Variants in SMTN observed in about 807,000 individuals in gnomAD.
SMTN encodes smoothelin.
In SMTN, 58 loss-of-function variants were observed where a neutral mutation model predicts 102.0. That is an observed-to-expected ratio of 0.57 (90% CI 0.46 to 0.71). The LOEUF (loss-of-function observed/expected upper bound fraction) is 0.71. SMTN is among the 30% of genes least tolerant of loss of function. SMTN has a pLI of 0.00. For missense variants in SMTN, 1,185 were observed against 1,241.7 expected (o/e 0.95, Z 0.69); for synonymous variants, 478 against 497.9 (o/e 0.96, Z 0.53).
chr22:31,065,745 T>G lies in SMTN; in HGVS notation c.-386+1558T>G, dbSNP rs1464147888. 2.0e-5 allele frequency: 3 copies of G among 151,448 alleles called. No homozygotes were observed. The East Asian group carries it at 5.8e-4, about 29-fold the overall frequency. 9.4% of individuals were successfully genotyped at this position (151,448 alleles called of 1,614,324 possible). ...CCATTATGTGCCAGTCCCTGTGGGGTGTGCCAAGCAGAAAAAGCACTGATC... is the reference window on the plus strand; with the variant it reads ...CCATTATGTGCCAGTCCCTGTGGGGGGTGCCAAGCAGAAAAAGCACTGATC... On this transcript the variant is annotated intron_variant, in intron 1 of 3. Transcript: ENST00000422839.
At chr22:31,080,938 G>T (rs115382628), upstream of SMTN, among the ~76,000 whole-genome samples, 1,089 of 152,266 alleles carry the variant, frequency 7.2e-3, 14 homozygotes, top group African/African-American at 0.025. Flanking sequence ...GCGAGAAAGG[G>T]GTGGAGTCGA....
chr22:31,070,581 T>G (rs924121595), intron 1 of SMTN, among the ~76,000 whole-genome samples: 1 of 152,198 alleles, frequency 6.6e-6, no homozygotes, highest in Non-Finnish European at 1.5e-5. Flanking sequence ...TCCTGAGAGA[T>G]AACTCCTCTG....
At chr22:31,080,358 T>C (rs2042244701), upstream of SMTN, 1 of 152,240 alleles carries the variant, frequency 6.6e-6, no homozygotes. Context: ...AATGGGGCAA[T>C]AGTCATGGTC....
At chr22:31,086,014 T>C (rs781150822) in intron 2 of SMTN, among the ~76,000 whole-genome samples, 4 of 152,174 alleles carry the variant, frequency 2.6e-5, no homozygotes, top group Non-Finnish European at 5.9e-5. Context: ...CTGGGCCTCT[T>C]TACCCTCTGT....
At position 31,088,679 on chromosome 22, in the gene SMTN, G is replaced by C. The variant is rs761729610; in HGVS notation, c.295-20G>C. The C allele has an allele frequency of 6.2e-7, 1 of 1,613,822 alleles. No homozygotes were observed. Among genetic ancestry groups the C allele is most frequent in the Non-Finnish European group, 8.5e-7 (1 of 1,179,814 alleles). On this transcript the variant is annotated intron_variant, in intron 4 of 20. Coordinates refer to ENST00000333137, the MANE Select transcript of SMTN (RefSeq NM_134269.3). The stretch of plus-strand genomic sequence containing the variant: ...CTGGACTCCACAGCCCAACACCCGC[G>C]ACCTGTCTCTTACCCACAGTTGCGA...
chr22:31,097,420 T>A, intron 16 of SMTN, 82 bp downstream of exon 16: 1 of 1,290,682 alleles, frequency 7.7e-7, no homozygotes. Flanking sequence ...TACAGAGGGG[T>A]GGGCTGGGCA....
At chr22:31,085,217 G>C in intron 2 of SMTN, 1 of 1,534,892 alleles carries the variant, frequency 6.5e-7, no homozygotes, top group Non-Finnish European at 8.7e-7. Flanking sequence ...CTTCCCTTTA[G>C]ATCCGGACAC....
At chr22:31,094,762 G>A (rs2043439067) in intron 11 of SMTN, among the ~76,000 whole-genome samples, 1 of 151,112 alleles carries the variant, frequency 6.6e-6, no homozygotes, top group South Asian at 2.1e-4. Context: ...GCTCTCTGCA[G>A]CCTCTAACTC....
intron 11 of SMTN, chr22:31,093,416 C>G (rs1270677287): frequency 2.2e-6 from 1 of 460,028 alleles, no homozygotes; most frequent in African/African-American, 2.0e-5. Flanking sequence ...CACTGCCCCA[C>G]CATTACCCCC....
At position 31,093,768 on chromosome 22, in the gene SMTN, C is replaced by T. The variant is rs777290206; in HGVS notation, c.1633-1535C>T. On this transcript the variant is annotated intron_variant, in intron 11 of 20. Coordinates refer to ENST00000333137, the MANE Select transcript of SMTN (RefSeq NM_134269.3). ...AGCTGCTCCTGGCTGCCGCCGACCC[C>T]GAGGCCCTCTTTCAGGCTGCCGAGG... 1.4e-5 allele frequency: 23 copies of T among 1,591,092 alleles called. No homozygotes were observed. In the East Asian group the frequency reaches 2.0e-4, roughly 14 times the overall value.
chr22:31,096,636 CCCTCCA>C, intron 13 of SMTN, 91 bp from the exon 14 acceptor site: 1 of 1,341,974 alleles, frequency 7.5e-7, no homozygotes, highest in Non-Finnish European at 9.9e-7. Context: ...TAACAAGCCA[CCCTCCA>C]CCCCGTCTTG....
intron 20 of SMTN, 97 bp downstream of exon 20, chr22:31,101,146 G>A: frequency 8.3e-7 from 1 of 1,207,086 alleles, no homozygotes; most frequent in Non-Finnish European, 1.1e-6. Context: ...AAGTAAGGGG[G>A]GCATTTAGTC....
chr22:31,076,584 A>G (rs1436738807), upstream of SMTN, among the ~76,000 whole-genome samples: 3 of 152,214 alleles, frequency 2.0e-5, no homozygotes, highest in African/African-American at 4.8e-5. Context: ...TAGGCACTCA[A>G]TATGTGTCAG....
chr22:31,070,923 CAA>C (rs111579063), intron 1 of SMTN, among the ~76,000 whole-genome samples: 14,934 of 104,462 alleles, frequency 0.14, 853 homozygotes, highest in African/African-American at 0.16. Context: ...AACTCTGTCT[CAA>C]AAAAAAAAAA....
chr22:31,093,453 G>A lies in SMTN; in HGVS notation c.1632+1606G>A, dbSNP rs571056882. 188 of 561,832 alleles carry A rather than the reference G, an allele frequency of 3.3e-4. 5 individuals are homozygous for A. Among genetic ancestry groups the A allele is most frequent in the South Asian group, 3.3e-3 (176 of 54,072 alleles). 34.8% of individuals were successfully genotyped at this position (561,832 alleles called of 1,614,324 possible). On this transcript the variant is annotated intron_variant, in intron 11 of 20. Transcript: ENST00000333137. ...ATAGAGTCCCCACCAGCACCATGCC[G>A]GGGGTACCAGGGCCTGGGCCTGAGC...
Position 31,100,931 on chromosome 22 carries a change from C to G in SMTN, c.2650C>G (p.Arg884Gly), listed in dbSNP as rs376776417. The G allele has an allele frequency of 1.9e-6, 3 of 1,570,150 alleles. No homozygotes were observed. Among genetic ancestry groups the G allele is most frequent in the Non-Finnish European group, 2.6e-6 (3 of 1,156,614 alleles). Residue 884 changes from arginine (R) to glycine (G), a missense_variant, in exon 20 of 21, where the codon CGG becomes GGG. Around this residue, in one of 2 missense-constraint regions of SMTN, gnomAD observed 89 missense variants for 128.9 expected, o/e 0.69. Transcript: ENST00000333137. ...PQLLDTEDMV[R>G]LREPDWKCVY... Reference sequence around the variant, plus strand: ...GCTCCTGGATACAGAGGACATGGTGCGGCTTCGAGAGCCTGACTGGAAGTG... The same window carrying G: ...GCTCCTGGATACAGAGGACATGGTGGGGCTTCGAGAGCCTGACTGGAAGTG...
At position 31,095,690 on chromosome 22, in the gene SMTN, GAC is replaced by G; in HGVS notation, c.1861+84_1861+85del. On this transcript the variant is annotated intron_variant, in intron 13 of 20. Coordinates refer to ENST00000333137, the MANE Select transcript of SMTN (RefSeq NM_134269.3). This position sits in a 1 kb window ranked among gnomAD's most constrained non-coding sequence, Gnocchi z 4.1. ...CCTCATACTCTGGGGTCCATTTGTGGACACCCCAGCTTAATAACTGCCCTACC... is the reference window on the plus strand; with the variant it reads ...CCTCATACTCTGGGGTCCATTTGTGGACCCCAGCTTAATAACTGCCCTACC... 3 of 1,285,080 alleles carry G rather than the reference GAC, an allele frequency of 2.3e-6. No individual in the cohort carries two copies. Among genetic ancestry groups the G allele is most frequent in the Non-Finnish European group, 3.3e-6 (3 of 915,566 alleles). The allele number at this position is 1,285,080 out of a possible 1,614,324, so 79.6% of individuals were successfully genotyped here.
chr22:31,092,009 G>A (rs765289973), intron 11 of SMTN, among the ~76,000 whole-genome samples, 162 bp downstream of exon 11: 2 of 152,326 alleles, frequency 1.3e-5, no homozygotes, highest in East Asian at 1.9e-4. Context: ...ACAGCCAGTC[G>A]GTGGCAGAGC....
intron 1 of SMTN, chr22:31,082,343 G>C (rs547578236): frequency 2.9e-6 from 1 of 346,024 alleles, no homozygotes; most frequent in South Asian, 2.3e-5. Context: ...ACTGGGGCAA[G>C]ATGGGGCTCT....
Sources: allele counts gnomAD v4.1 joint callset (sites outside exome capture counted in the v4.1 genomes callset), GRCh38; gene constraint gnomAD v4.1.1; regional missense constraint gnomAD v4.1.1; non-coding constraint Gnocchi (gnomAD v3.1); transcripts MANE v1.5; gene names NCBI Gene and HGNC (gene_info 2026-07-23, HGNC 2026-07-21).